RBFOX1: variants seen among roughly 807,000 people sequenced by gnomAD.
RBFOX1 encodes the protein RNA binding protein fox-1 homolog 1.
Under a neutral mutation model 57.7 loss-of-function variants are expected in RBFOX1, and 8 were observed. The ratio of observed to expected loss-of-function variants is 0.14; its 90% CI spans 0.08 to 0.25. The LOEUF is 0.25. Among genes scored for constraint, RBFOX1 ranks in the 10% least tolerant of loss-of-function variants. RBFOX1 has a pLI of 1.00. For missense variants in RBFOX1, 611 were observed against 548.5 expected (o/e 1.11, Z -1.14); for synonymous variants, 326 against 222.4 (o/e 1.47, Z -4.15).
At chr16:6,224,228 T>G (rs896141124) in intron 1 of RBFOX1, among the ~76,000 whole-genome samples, 57 of 151,874 alleles carry the variant, frequency 3.8e-4, no homozygotes, top group Admixed American at 3.3e-3. Flanking sequence ...GTTATTTTTT[T>G]CCAATTCTGT....
chr16:6,551,624 A>G (rs528353042), intron 2 of RBFOX1, among the ~76,000 whole-genome samples: 5 of 152,344 alleles, frequency 3.3e-5, no homozygotes, highest in Admixed American at 1.3e-4. Context: ...AAGAACACTT[A>G]AAATAAGGAA....
At chr16:7,022,654 C>T (rs553429621) in intron 3 of RBFOX1, among the ~76,000 whole-genome samples, 32 of 151,850 alleles carry the variant, frequency 2.1e-4, no homozygotes, top group Admixed American at 1.0e-3. Context: ...GGCCCATCCC[C>T]GTATAGAGCT....
At chr16:7,687,986 T>C (rs1372652983) in intron 14 of RBFOX1, among the ~76,000 whole-genome samples, 3 of 152,010 alleles carry the variant, frequency 2.0e-5, no homozygotes, top group Non-Finnish European at 4.4e-5. Context: ...GCCTGGTCAT[T>C]GGTATTTTAT....
At chr16:6,802,504 C>T (rs138624604) in intron 3 of RBFOX1, among the ~76,000 whole-genome samples, 11 of 152,216 alleles carry the variant, frequency 7.2e-5, no homozygotes, top group Non-Finnish European at 1.5e-4. Context: ...TGGCAAAACC[C>T]TGTCTCTACT....
chr16:7,374,772 A>G (rs960495357), intron 4 of RBFOX1, among the ~76,000 whole-genome samples: 1 of 152,186 alleles, frequency 6.6e-6, no homozygotes, highest in South Asian at 2.1e-4. Flanking sequence ...TCACAGCATC[A>G]AGATATCCTG....
At chr16:6,175,481 A>T (rs1432669232) in intron 1 of RBFOX1, among the ~76,000 whole-genome samples, 1 of 151,552 alleles carries the variant, frequency 6.6e-6, no homozygotes, top group East Asian at 1.9e-4. Context: ...GATGTGTTTG[A>T]CCACCCGGTT....
chr16:5,570,202 C>G (rs1486643242), intron 2 of RBFOX1, among the ~76,000 whole-genome samples: 1 of 152,108 alleles, frequency 6.6e-6, no homozygotes, highest in Non-Finnish European at 1.5e-5. Flanking sequence ...TCTTCTAACT[C>G]AAAGTACATA....
intron 4 of RBFOX1, among the ~76,000 whole-genome samples, chr16:7,463,837 T>C (rs2060007825): frequency 6.6e-6 from 1 of 152,204 alleles, no homozygotes; most frequent in East Asian, 1.9e-4. Context: ...TACCAGCCAC[T>C]GAGATAGATA....
At chr16:6,931,291 G>GTCTA (rs1437093608) in intron 3 of RBFOX1, among the ~76,000 whole-genome samples, 6,709 of 123,540 alleles carry the variant, frequency 0.054, 209 homozygotes, top group Middle Eastern at 0.11. Context: ...CTGTCTGTCT[G>GTCTA]TCTGTCTATC....
chr16:7,696,958 A>C (rs1435473040), intron 14 of RBFOX1, among the ~76,000 whole-genome samples: 1 of 152,146 alleles, frequency 6.6e-6, no homozygotes, highest in African/African-American at 2.4e-5. Flanking sequence ...GGATATGAGT[A>C]CAGGTGAGTT....
At chr16:6,793,711 T>C (rs1431327589) in intron 3 of RBFOX1, among the ~76,000 whole-genome samples, 2 of 152,214 alleles carry the variant, frequency 1.3e-5, no homozygotes, top group African/African-American at 4.8e-5. Context: ...CTTTTCACCC[T>C]GTTGTTAGAG....
chr16:5,531,706 C>G (rs1386931235), intron 2 of RBFOX1, among the ~76,000 whole-genome samples: 1 of 151,984 alleles, frequency 6.6e-6, no homozygotes, highest in African/African-American at 2.4e-5. Context: ...CAGTGCCTGG[C>G]ACATAGCAAG....
At chr16:7,127,312 G>C (rs76964929) in intron 4 of RBFOX1, among the ~76,000 whole-genome samples, 2 of 152,232 alleles carry the variant, frequency 1.3e-5, no homozygotes, top group East Asian at 3.9e-4. Flanking sequence ...TGTTTGCTTG[G>C]TCTCAAGAGA....
intron 1 of RBFOX1, among the ~76,000 whole-genome samples, chr16:6,095,038 C>A (rs2096227454): frequency 1.3e-5 from 2 of 152,118 alleles, no homozygotes; most frequent in Admixed American, 6.5e-5. Flanking sequence ...CCAGCCTGGG[C>A]AACAGAGTGA....
chr16:6,255,481 T>A lies in RBFOX1; in HGVS notation c.-126-61514T>A, dbSNP rs1346201131. Among the ~76,000 whole-genome samples the A allele has an allele frequency of 3.9e-5, 6 of 152,086 alleles. No individual in the cohort carries two copies. The East Asian group carries it at 1.2e-3, about 29-fold the overall frequency. On this transcript the variant is annotated intron_variant, in intron 1 of 15. Coordinates refer to ENST00000550418, the MANE Select transcript of RBFOX1 (RefSeq NM_018723.4). ...GCTCTGGTGAGAATAATGTATGAGA[T>A]GAGTGCATGCATGGTGATTTTGACT...
In RBFOX1 at chr16:6,019,159, CTA is replaced by C; in HGVS notation, c.-956_-955del. 1 of 985,224 alleles carries C rather than the reference CTA, an allele frequency of 1.0e-6. No homozygotes were observed. The highest frequency in any genetic ancestry group is 1.2e-6 in the Non-Finnish European group (1 of 829,952). The allele number at this position is 985,224 out of a possible 1,614,324, so 61.0% of individuals were successfully genotyped here. A position where few individuals can be genotyped will look rare whatever the true frequency, so the allele number is the denominator to read the frequency against. On this transcript the variant is annotated 5_prime_UTR_variant, in exon 1 of 16. Transcript: ENST00000550418. This position sits in a 1 kb window ranked among gnomAD's most constrained non-coding sequence, Gnocchi z 4.2. Reference sequence around the variant, plus strand: ...GGCTCTCCTTTGTTTATTTTCTAATCTATATTTTTACTGGAAGATTTCCTCTT... The same window carrying C: ...GGCTCTCCTTTGTTTATTTTCTAATCTATTTTTACTGGAAGATTTCCTCTT...
At chr16:6,580,592 G>T (rs958933062) in intron 2 of RBFOX1, among the ~76,000 whole-genome samples, 2 of 152,146 alleles carry the variant, frequency 1.3e-5, no homozygotes, top group Admixed American at 1.3e-4. Flanking sequence ...ATGTCACAGG[G>T]GGGGATGCAT....
At chr16:6,543,018 C>A (rs2096845300) in intron 2 of RBFOX1, among the ~76,000 whole-genome samples, 1 of 152,138 alleles carries the variant, frequency 6.6e-6, no homozygotes, top group Non-Finnish European at 1.5e-5. Context: ...CACTCTCCCT[C>A]CCCAGGGCCA....
At chr16:6,726,694 G>A (rs193287983) in intron 3 of RBFOX1, among the ~76,000 whole-genome samples, 1 of 152,206 alleles carries the variant, frequency 6.6e-6, no homozygotes, top group African/African-American at 2.4e-5. Flanking sequence ...CTGGACCCCT[G>A]GGCTTGCCTG....
Sources: gnomAD v4.1 joint callset for allele counts (sites outside exome capture counted in the v4.1 genomes callset) on GRCh38, gnomAD v4.1.1 for gene constraint, Gnocchi (gnomAD v3.1) non-coding constraint, MANE v1.5 for transcripts, NCBI Gene and HGNC (gene_info 2026-07-23, HGNC 2026-07-21) for gene names.